The following MEIS2 variants were observed in gnomAD, a reference collection of about 807,000 sequenced individuals.
MEIS2 encodes the protein homeobox protein Meis2.
Under a neutral mutation model 58.6 loss-of-function variants are expected in MEIS2, and 9 were observed. The ratio of observed to expected loss-of-function variants is 0.15; its 90% CI spans 0.09 to 0.27. MEIS2 has a LOEUF of 0.27. Ranked by LOEUF, MEIS2 falls within the 10% of genes least tolerant of loss-of-function variation. MEIS2 has a pLI of 1.00. For synonymous variants in MEIS2, 221 were observed against 228.4 expected (o/e 0.97, Z 0.29); for missense variants, 427 against 635.0 (o/e 0.67, Z 3.52).
chr15:37,018,666 T>C (rs1055258068), intron 8 of MEIS2, among the ~76,000 whole-genome samples: 2 of 152,220 alleles, frequency 1.3e-5, no homozygotes, highest in African/African-American at 4.8e-5. Context: ...TCCAAGTAGA[T>C]TTCTACCCAT....
intron 7 of MEIS2, among the ~76,000 whole-genome samples, chr15:37,082,224 A>G (rs562438138): frequency 1.8e-4 from 28 of 152,168 alleles, no homozygotes; most frequent in Admixed American, 6.5e-4. Context: ...GAATGTGAAA[A>G]ATGAGGCGCT....
At chr15:36,955,657 T>G (rs1289064806) in intron 8 of MEIS2, among the ~76,000 whole-genome samples, 2 of 152,126 alleles carry the variant, frequency 1.3e-5, no homozygotes, top group African/African-American at 4.8e-5. Context: ...GACAAACATA[T>G]ACACAACCCT....
intron 7 of MEIS2, among the ~76,000 whole-genome samples, chr15:37,071,502 A>T (rs1210692333): frequency 2.0e-5 from 3 of 152,078 alleles, no homozygotes. Flanking sequence ...TTAGTTCTTC[A>T]TCATGATGTT....
intron 8 of MEIS2, among the ~76,000 whole-genome samples, chr15:37,007,661 A>G (rs1178084574): frequency 2.0e-5 from 3 of 152,232 alleles, no homozygotes; most frequent in African/African-American, 7.2e-5. Context: ...ATTCTAACTA[A>G]CACAGCTTCC....
At chr15:36,984,126 T>C (rs1489126970) in intron 8 of MEIS2, among the ~76,000 whole-genome samples, 1 of 152,120 alleles carries the variant, frequency 6.6e-6, no homozygotes, top group African/African-American at 2.4e-5. Flanking sequence ...TTGATTTGAA[T>C]CTCTTTTATT....
chr15:36,998,563 A>G (rs1052545627), intron 8 of MEIS2, among the ~76,000 whole-genome samples: 2 of 152,044 alleles, frequency 1.3e-5, no homozygotes, highest in Admixed American at 1.3e-4. Flanking sequence ...GCTTACTGTC[A>G]GCTAAAATCT....
At chr15:36,941,920 C>T (rs2058389314) in intron 9 of MEIS2, among the ~76,000 whole-genome samples, 1 of 152,130 alleles carries the variant, frequency 6.6e-6, no homozygotes, top group African/African-American at 2.4e-5. Flanking sequence ...TGAGTAATTA[C>T]TGCTAAAGTT....
chr15:36,926,999 T>C (rs1329095522), intron 9 of MEIS2, among the ~76,000 whole-genome samples: 4 of 152,188 alleles, frequency 2.6e-5, no homozygotes, highest in South Asian at 2.1e-4. Context: ...ACCTGGATGA[T>C]AAATTTAAGG....
At chr15:36,987,866 A>G (rs988874340) in intron 8 of MEIS2, among the ~76,000 whole-genome samples, 1 of 152,120 alleles carries the variant, frequency 6.6e-6, no homozygotes, top group African/African-American at 2.4e-5. Flanking sequence ...CTCAGTTTCA[A>G]TGTTGAGAAT....
chr15:37,007,407 C>T (rs111301600), intron 8 of MEIS2, among the ~76,000 whole-genome samples: 12 of 152,270 alleles, frequency 7.9e-5, no homozygotes, highest in African/African-American at 2.9e-4. Flanking sequence ...AGAGAATTCA[C>T]AAGAAGCCAC....
chr15:36,927,917 A>G (rs2057812590), intron 9 of MEIS2, among the ~76,000 whole-genome samples: 1 of 152,308 alleles, frequency 6.6e-6, no homozygotes, highest in East Asian at 1.9e-4. Flanking sequence ...GATAAATAAC[A>G]TAAATAAACA....
At chr15:36,920,822 T>A (rs2057476837) in intron 9 of MEIS2, among the ~76,000 whole-genome samples, 2 of 152,152 alleles carry the variant, frequency 1.3e-5, no homozygotes, top group Admixed American at 1.3e-4. Context: ...ACTATGGAAG[T>A]CATGTGGAAT....
At chr15:36,917,088 G>A (rs2057313323) in intron 9 of MEIS2, among the ~76,000 whole-genome samples, 1 of 152,184 alleles carries the variant, frequency 6.6e-6, no homozygotes, top group African/African-American at 2.4e-5. Context: ...TTCCTGTCTT[G>A]TCAGGAGAGG....
chr15:37,094,461 A>G (rs1893947330), intron 5 of MEIS2, 66 bp downstream of exon 5: 14 of 1,526,442 alleles, frequency 9.2e-6, no homozygotes, highest in Non-Finnish European at 1.3e-5. Flanking sequence ...TTTGTTAAAA[A>G]CATCCCAACT....
intron 8 of MEIS2, among the ~76,000 whole-genome samples, chr15:36,989,389 T>C (rs2060196196): frequency 6.6e-6 from 1 of 152,166 alleles, no homozygotes; most frequent in Non-Finnish European, 1.5e-5. Context: ...AGTATTCGCG[T>C]TTGAAAATAC....
chr15:37,099,541 C>A lies in MEIS2; in HGVS notation c.-75G>T. ...AGTCCGGATAAGAAAGTGATCTAGG[C>A]TGAAGATTCCTTTTTTTTTTTTCCA... On this transcript the variant is annotated 5_prime_UTR_variant, in exon 1 of 12. Coordinates refer to ENST00000561208, the MANE Select transcript of MEIS2 (RefSeq NM_170675.5). The A allele has an allele frequency of 2.5e-6, 4 of 1,571,178 alleles. No individual in the cohort carries two copies. The South Asian group carries it at 3.6e-5, about 14-fold the overall frequency.
chr15:36,918,636 G>A (rs2057375416), intron 9 of MEIS2, among the ~76,000 whole-genome samples: 1 of 152,178 alleles, frequency 6.6e-6, no homozygotes, highest in Non-Finnish European at 1.5e-5. Context: ...TGCCAGAAGA[G>A]TGGCCATGGG....
intron 8 of MEIS2, among the ~76,000 whole-genome samples, chr15:37,015,129 G>C (rs760974158): frequency 6.6e-6 from 1 of 152,224 alleles, no homozygotes; most frequent in Non-Finnish European, 1.5e-5. Flanking sequence ...GGCAGTATCA[G>C]CTTCCTAATA....
intron 7 of MEIS2, among the ~76,000 whole-genome samples, chr15:37,037,906 C>G (rs995922649): frequency 6.6e-6 from 1 of 152,128 alleles, no homozygotes; most frequent in South Asian, 2.1e-4. Flanking sequence ...AAACAAGATC[C>G]GACTTGTGGC....
Sources: allele counts gnomAD v4.1 joint callset (sites outside exome capture counted in the v4.1 genomes callset), GRCh38; gene constraint gnomAD v4.1.1; transcripts MANE v1.5; gene names NCBI Gene and HGNC (gene_info 2026-07-23, HGNC 2026-07-21).